Variants in TCF7L1 observed in about 807,000 individuals in gnomAD.
TCF7L1 encodes the protein transcription factor 7 like 1.
Under a neutral mutation model 63.7 loss-of-function variants are expected in TCF7L1, and 18 were observed. That is an observed-to-expected ratio of 0.28 (90% CI 0.20 to 0.42). TCF7L1 has a LOEUF of 0.42. TCF7L1 is among the 10% of genes least tolerant of loss of function. TCF7L1 has a pLI of 1.00. For synonymous variants in TCF7L1, 355 were observed against 340.9 expected, an observed-to-expected ratio of 1.04 and a Z score of -0.46; for missense variants, 654 against 779.3, an observed-to-expected ratio of 0.84 and a Z score of 1.91.
chr2:85,285,060 C>G (rs143930443), intron 4 of TCF7L1, among the ~76,000 whole-genome samples: 1 of 151,982 alleles, frequency 6.6e-6, no homozygotes, highest in Non-Finnish European at 1.5e-5. Context: ...GGTGAAACAC[C>G]GTCTCTACTA....
At chr2:85,298,740 G>A (rs927336869) in intron 4 of TCF7L1, among the ~76,000 whole-genome samples, 1 of 152,120 alleles carries the variant, frequency 6.6e-6, no homozygotes, top group Non-Finnish European at 1.5e-5. Context: ...TTTTGTCCCT[G>A]TTGGGGTTAT....
chr2:85,265,256 A>G (rs894523400), intron 3 of TCF7L1, among the ~76,000 whole-genome samples: 7 of 151,816 alleles, frequency 4.6e-5, no homozygotes, highest in African/African-American at 1.5e-4. Flanking sequence ...GCATTTGGGG[A>G]CCACTCTGAT....
chr2:85,207,908 A>AT (rs939077825), intron 3 of TCF7L1, among the ~76,000 whole-genome samples: 1 of 151,690 alleles, frequency 6.6e-6, no homozygotes, highest in African/African-American at 2.4e-5. Context: ...TATTAAATGC[A>AT]TTTTTTTTGG....
At chr2:85,260,828 CCCT>C (rs1680841922) in intron 3 of TCF7L1, among the ~76,000 whole-genome samples, 1 of 152,128 alleles carries the variant, frequency 6.6e-6, no homozygotes, top group Non-Finnish European at 1.5e-5. Flanking sequence ...CATACTCAGC[CCCT>C]TCTGATAGAA....
intron 3 of TCF7L1, among the ~76,000 whole-genome samples, chr2:85,222,784 A>G (rs1326786443): frequency 6.6e-6 from 1 of 152,214 alleles, no homozygotes; most frequent in Non-Finnish European, 1.5e-5. Context: ...AACTGTAGGG[A>G]AAAATTATTT....
chr2:85,295,489 C>T (rs1039779563), intron 4 of TCF7L1, among the ~76,000 whole-genome samples: 1 of 152,104 alleles, frequency 6.6e-6, no homozygotes, highest in Non-Finnish European at 1.5e-5. Flanking sequence ...GCATGAGCCA[C>T]CGTGCCTGGC....
At chr2:85,260,521 G>T (rs368297048) in intron 3 of TCF7L1, among the ~76,000 whole-genome samples, 24 of 151,896 alleles carry the variant, frequency 1.6e-4, no homozygotes, top group African/African-American at 5.8e-4. Flanking sequence ...CGTGCATGTA[G>T]TCCCAGCTAC....
intron 4 of TCF7L1, among the ~76,000 whole-genome samples, chr2:85,284,102 C>G (rs1681485602): frequency 6.6e-6 from 1 of 152,234 alleles, no homozygotes; most frequent in Non-Finnish European, 1.5e-5. Flanking sequence ...CCTCTGCCTC[C>G]CAGGTTCAAG....
At chr2:85,261,758 G>A (rs1157273090) in intron 3 of TCF7L1, among the ~76,000 whole-genome samples, 1 of 152,032 alleles carries the variant, frequency 6.6e-6, no homozygotes, top group Non-Finnish European at 1.5e-5. Flanking sequence ...GTGGTGATGT[G>A]TGCCTATAGT....
intron 3 of TCF7L1, among the ~76,000 whole-genome samples, chr2:85,159,629 A>C (rs1223056701): frequency 6.6e-6 from 1 of 152,112 alleles, no homozygotes; most frequent in Admixed American, 6.5e-5. Flanking sequence ...TGGCCCTTTG[A>C]CCTACTGGAG....
intron 3 of TCF7L1, among the ~76,000 whole-genome samples, chr2:85,274,236 G>A (rs1222071825): frequency 6.6e-6 from 1 of 152,206 alleles, no homozygotes; most frequent in Non-Finnish European, 1.5e-5. Context: ...CAGCCGATGG[G>A]AGAGGCAGCT....
chr2:85,167,987 G>A (rs140789337), intron 3 of TCF7L1, among the ~76,000 whole-genome samples: 25 of 152,336 alleles, frequency 1.6e-4, no homozygotes, highest in African/African-American at 6.0e-4. Flanking sequence ...CTGCCTGTAT[G>A]TGGGATCGAA....
At chr2:85,156,124 C>T (rs576428958) in intron 3 of TCF7L1, among the ~76,000 whole-genome samples, 4 of 152,328 alleles carry the variant, frequency 2.6e-5, no homozygotes, top group Non-Finnish European at 4.4e-5. Context: ...CTTTACCAGT[C>T]CCTCTTTGGA....
chr2:85,301,226 C>T (rs569237830), intron 4 of TCF7L1, among the ~76,000 whole-genome samples: 4 of 152,286 alleles, frequency 2.6e-5, no homozygotes, highest in Admixed American at 1.3e-4. Context: ...CAAGAGAAAA[C>T]ATTCTTGTTT....
At chr2:85,250,079 G>A (rs1175688350) in intron 3 of TCF7L1, among the ~76,000 whole-genome samples, 1 of 152,198 alleles carries the variant, frequency 6.6e-6, no homozygotes, top group Non-Finnish European at 1.5e-5. Flanking sequence ...GATAGAAAGA[G>A]AAGTGGGGAA....
intron 3 of TCF7L1, among the ~76,000 whole-genome samples, chr2:85,269,011 A>G (rs144755740): frequency 8.3e-4 from 126 of 152,182 alleles, no homozygotes; most frequent in African/African-American, 2.9e-3. Flanking sequence ...GGAGGAAAAG[A>G]TGTCTGAGGT....
chr2:85,193,637 G>A (rs796563934), intron 3 of TCF7L1, among the ~76,000 whole-genome samples: 7 of 152,176 alleles, frequency 4.6e-5, no homozygotes, highest in African/African-American at 1.7e-4. Context: ...TCTGTTCTTT[G>A]TTCCTTCTCC....
intron 3 of TCF7L1, among the ~76,000 whole-genome samples, chr2:85,195,160 C>T (rs552075266): frequency 6.6e-6 from 1 of 152,356 alleles, no homozygotes; most frequent in East Asian, 1.9e-4. Context: ...GTTACCTACC[C>T]TTTTCTCTGC....
At chr2:85,243,300 C>T (rs114445212) in intron 3 of TCF7L1, among the ~76,000 whole-genome samples, 1,526 of 152,234 alleles carry the variant, frequency 0.01, 22 homozygotes, top group African/African-American at 0.035. Context: ...GGAGCAGATC[C>T]GGCTGCTGCA....
Sources: gnomAD v4.1 joint callset for allele counts (sites outside exome capture counted in the v4.1 genomes callset) on GRCh38, gnomAD v4.1.1 for gene constraint, MANE v1.5 for transcripts, NCBI Gene and HGNC (gene_info 2026-07-23, HGNC 2026-07-21) for gene names.